MEI4: variants seen among roughly 807,000 people sequenced by gnomAD.
MEI4 encodes meiotic double-stranded break formation protein 4.
Under a neutral mutation model 31.4 loss-of-function variants are expected in MEI4, and 27 were observed. The observed-to-expected ratio is 0.86, with a 90% CI of 0.63 to 1.19. The LOEUF is 1.19. Ranked by LOEUF, MEI4 falls within the 50% of genes most tolerant of loss-of-function variation. The probability of loss-of-function intolerance (pLI) is 0.00; values close to 1 mark genes in which losing one functional copy is unlikely to be tolerated. For synonymous variants in MEI4, 122 were observed against 145.4 expected (o/e 0.84, Z 1.16); for missense variants, 329 against 398.9 (o/e 0.82, Z 1.49).
At chr6:77,870,272 G>A (rs1250317729) in intron 4 of MEI4, among the ~76,000 whole-genome samples, 3 of 152,120 alleles carry the variant, frequency 2.0e-5, no homozygotes, top group Non-Finnish European at 4.4e-5. Context: ...CAATCACACA[G>A]TCACCAGGGT....
chr6:77,772,987 A>C (rs1458552105), intron 3 of MEI4, among the ~76,000 whole-genome samples: 1 of 151,956 alleles, frequency 6.6e-6, no homozygotes, highest in Non-Finnish European at 1.5e-5. Context: ...TGAATAAAGA[A>C]GAGAAAGATG....
chr6:77,742,034 C>G (rs1214309424), intron 2 of MEI4, among the ~76,000 whole-genome samples: 2 of 151,896 alleles, frequency 1.3e-5, no homozygotes, highest in African/African-American at 2.4e-5. Flanking sequence ...GGACATTTGG[C>G]TTGGTTCCAA....
At chr6:77,750,528 A>G (rs1767741502) in intron 2 of MEI4, among the ~76,000 whole-genome samples, 1 of 152,228 alleles carries the variant, frequency 6.6e-6, no homozygotes, top group Non-Finnish European at 1.5e-5. Context: ...AAAGAAGGCC[A>G]TTACATAATG....
At chr6:77,736,473 A>G (rs1417997295) in intron 2 of MEI4, among the ~76,000 whole-genome samples, 4 of 152,032 alleles carry the variant, frequency 2.6e-5, no homozygotes, top group African/African-American at 7.3e-5. Flanking sequence ...GAGTGAGGCA[A>G]TGCCTCGCCC....
chr6:77,733,818 G>A (rs1429989724), intron 2 of MEI4, among the ~76,000 whole-genome samples: 1 of 151,944 alleles, frequency 6.6e-6, no homozygotes, highest in African/African-American at 2.4e-5. Flanking sequence ...AGAGATTCTG[G>A]TATGTTGTAT....
intron 4 of MEI4, among the ~76,000 whole-genome samples, chr6:77,899,163 G>T (rs1766140709): frequency 6.6e-6 from 1 of 151,968 alleles, no homozygotes; most frequent in African/African-American, 2.4e-5. Flanking sequence ...AACATATTTT[G>T]CCAGTCATTA....
chr6:77,829,745 C>A (rs1399370369), intron 4 of MEI4, among the ~76,000 whole-genome samples: 2 of 152,230 alleles, frequency 1.3e-5, no homozygotes, highest in East Asian at 3.9e-4. Context: ...ATATTCTTAT[C>A]ATTTCTGTAG....
chr6:77,651,665 A>T (rs2127639632), upstream of MEI4, among the ~76,000 whole-genome samples: 1 of 152,242 alleles, frequency 6.6e-6, no homozygotes, highest in African/African-American at 2.4e-5. Flanking sequence ...TATTCTATTT[A>T]TTTTTATATA....
At chr6:77,741,390 G>T (rs1767395987) in intron 2 of MEI4, among the ~76,000 whole-genome samples, 1 of 152,112 alleles carries the variant, frequency 6.6e-6, no homozygotes, top group Non-Finnish European at 1.5e-5. Flanking sequence ...TCTCTGATTG[G>T]TCTAGAGTGT....
chr6:77,691,186 C>T (rs1330944738), intron 2 of MEI4, among the ~76,000 whole-genome samples: 1 of 151,970 alleles, frequency 6.6e-6, no homozygotes, highest in Non-Finnish European at 1.5e-5. Context: ...TTTTACTATA[C>T]ATTTTATTTT....
chr6:77,837,261 A>C (rs1582199375), intron 4 of MEI4, among the ~76,000 whole-genome samples: 1 of 152,340 alleles, frequency 6.6e-6, no homozygotes, highest in South Asian at 2.1e-4. Flanking sequence ...ATGTCTAGTT[A>C]AATTGTAGTG....
intron 3 of MEI4, among the ~76,000 whole-genome samples, chr6:77,790,016 C>G (rs186111839): frequency 6.6e-6 from 1 of 151,918 alleles, no homozygotes; most frequent in Non-Finnish European, 1.5e-5. Flanking sequence ...AAATGTCCAA[C>G]AATGATAGAC....
chr6:77,696,055 G>C (rs1442884996), intron 2 of MEI4, among the ~76,000 whole-genome samples: 6 of 152,058 alleles, frequency 3.9e-5, no homozygotes, highest in Non-Finnish European at 7.4e-5. Flanking sequence ...TCATGATTCG[G>C]CTCTCTGTTT....
intron 1 of MEI4, among the ~76,000 whole-genome samples, chr6:77,665,777 T>C (rs1768619338): frequency 6.6e-6 from 1 of 151,996 alleles, no homozygotes; most frequent in Admixed American, 6.6e-5. Flanking sequence ...AGGGAGAGAT[T>C]GAAGAGTGGA....
At chr6:77,705,980 G>A (rs938596455) in intron 2 of MEI4, among the ~76,000 whole-genome samples, 1 of 152,162 alleles carries the variant, frequency 6.6e-6, no homozygotes, top group Non-Finnish European at 1.5e-5. Context: ...ACCATAAAGT[G>A]TGGTGCTTTG....
chr6:77,843,421 C>G (rs1263224750), intron 4 of MEI4, among the ~76,000 whole-genome samples: 2 of 151,640 alleles, frequency 1.3e-5, no homozygotes, highest in South Asian at 2.1e-4. Context: ...AAAATATTCT[C>G]TATTAAAATA....
At chr6:77,801,653 C>G (rs2127700721) in intron 3 of MEI4, among the ~76,000 whole-genome samples, 1 of 152,168 alleles carries the variant, frequency 6.6e-6, no homozygotes, top group South Asian at 2.1e-4. Context: ...CTACACGCTG[C>G]TTTGAATGTG....
chr6:77,850,644 A>T (rs561287414), intron 4 of MEI4, among the ~76,000 whole-genome samples: 5 of 152,334 alleles, frequency 3.3e-5, no homozygotes, highest in Admixed American at 2.0e-4. Context: ...TTCAAGATGG[A>T]TTAAATATTT....
intron 2 of MEI4, among the ~76,000 whole-genome samples, chr6:77,744,580 C>A (rs992439308): frequency 6.6e-6 from 1 of 152,146 alleles, no homozygotes; most frequent in Non-Finnish European, 1.5e-5. Flanking sequence ...CCCAATCTAG[C>A]AAGGCAGGCC....
Sources: allele counts gnomAD v4.1 joint callset (sites outside exome capture counted in the v4.1 genomes callset), GRCh38; gene constraint gnomAD v4.1.1; transcripts MANE v1.5; gene names NCBI Gene and HGNC (gene_info 2026-07-23, HGNC 2026-07-21).